LRRC28: variants seen among roughly 807,000 people sequenced by gnomAD.
The protein encoded by LRRC28 is leucine-rich repeat-containing protein 28.
LRRC28 carries 39 observed loss-of-function variants against 45.7 expected under a neutral mutation model. That is an observed-to-expected ratio of 0.85 (90% confidence interval 0.66 to 1.12). The LOEUF (loss-of-function observed/expected upper bound fraction) is 1.12. LRRC28 is among the 50% of genes most tolerant of loss of function. LRRC28 has a pLI of 0.00. For missense variants in LRRC28, 435 were observed against 438.5 expected, an observed-to-expected ratio of 0.99 and a Z score of 0.07; for synonymous variants, 206 against 178.8, an observed-to-expected ratio of 1.15 and a Z score of -1.22.
At chr15:99,352,230 T>TA (rs1956903698) in intron 6 of LRRC28, 139 bp from the exon 7 acceptor site, 1 of 634,950 alleles carries the variant, frequency 1.6e-6, no homozygotes, top group South Asian at 2.3e-5. Flanking sequence ...ACCCATAACT[T>TA]ACTTTATATA....
chr15:99,294,081 C>G (rs1487820857), intron 5 of LRRC28, among the ~76,000 whole-genome samples: 1 of 152,146 alleles, frequency 6.6e-6, no homozygotes, highest in South Asian at 2.1e-4. Context: ...GTATCCTTTT[C>G]TATGACTGCA....
At chr15:99,384,721 A>T (rs1957930781) in intron 9 of LRRC28, 1 of 152,142 alleles carries the variant, frequency 6.6e-6, no homozygotes. Context: ...TGTTCCAGTG[A>T]TATTTGAGTA....
chr15:99,286,427 G>A (rs1567626643), intron 3 of LRRC28, among the ~76,000 whole-genome samples: 3 of 152,224 alleles, frequency 2.0e-5, no homozygotes, highest in East Asian at 3.9e-4. Flanking sequence ...CACCGCGCCC[G>A]GCCATAAAGA....
intron 5 of LRRC28, among the ~76,000 whole-genome samples, chr15:99,288,624 C>G (rs1376971812): frequency 1.3e-5 from 2 of 152,104 alleles, no homozygotes; most frequent in Non-Finnish European, 2.9e-5. Context: ...TTGTGATCCA[C>G]CTGCCTTGGC....
At chr15:99,339,162 C>A (rs994012417) in intron 6 of LRRC28, among the ~76,000 whole-genome samples, 18 of 152,022 alleles carry the variant, frequency 1.2e-4, no homozygotes, top group Non-Finnish European at 1.5e-5. Flanking sequence ...TGATTTTTTT[C>A]TCTAAGGCTT....
At chr15:99,384,529 T>A (rs925659051) in intron 9 of LRRC28, 2 of 152,224 alleles carry the variant, frequency 1.3e-5, no homozygotes, top group African/African-American at 4.8e-5. Flanking sequence ...AACTTTCTGA[T>A]TCTCTGTCCA....
intron 7 of LRRC28, among the ~76,000 whole-genome samples, chr15:99,358,358 C>T (rs1957104314): frequency 6.6e-6 from 1 of 152,112 alleles, no homozygotes; most frequent in Non-Finnish European, 1.5e-5. Flanking sequence ...AATTTATGAT[C>T]AAATTACCTG....
chr15:99,319,891 C>A (rs910586767), intron 5 of LRRC28, among the ~76,000 whole-genome samples: 1 of 151,950 alleles, frequency 6.6e-6, no homozygotes, highest in African/African-American at 2.4e-5. Flanking sequence ...GCAACCTCTG[C>A]CTCCTGGGTT....
intron 5 of LRRC28, among the ~76,000 whole-genome samples, chr15:99,296,460 G>C (rs530809013): frequency 1.3e-5 from 2 of 152,146 alleles, no homozygotes; most frequent in Non-Finnish European, 2.9e-5. Flanking sequence ...GTAATTTTGG[G>C]TGATTTACTC....
Position 99,285,413 on chromosome 15 carries a change from C to T in LRRC28, c.210-1844C>T, listed in dbSNP as rs1002479685. ...AGTGGTATAGTGACAAACCCAAAGC[C>T]CCTGGCGTGCTTGGTGTTGGGATCT... On this transcript the variant is annotated intron_variant, in intron 3 of 9. Transcript: ENST00000301981. 16 of 754,656 alleles carry T rather than the reference C, an allele frequency of 2.1e-5. No individual in the cohort carries two copies. The African/African-American group carries it at 2.7e-4, about 13-fold the overall frequency. 46.7% of individuals were successfully genotyped at this position (754,656 alleles called of 1,614,324 possible). A position where few individuals can be genotyped will look rare whatever the true frequency, so the allele number is the denominator to read the frequency against.
rs747613812 is a variant in LRRC28 at position 99,365,265 on chromosome 15, A to T, written c.1031+2000A>T. On this transcript the variant is annotated intron_variant, in intron 9 of 9. Transcript: ENST00000301981. ...AGTGTGACTAATCTATTGTTTCAGA[A>T]CATAAATATTATTAATTTCATAAAA... 1.1e-4 allele frequency among the ~76,000 whole-genome samples: 17 copies of T among 152,270 alleles called. 1 individual carries two copies. Among genetic ancestry groups the T allele is most frequent in the Admixed American group, 3.3e-4 (5 of 15,286 alleles).
chr15:99,308,116 TAG>T (rs952693115), intron 5 of LRRC28, among the ~76,000 whole-genome samples: 15 of 152,198 alleles, frequency 9.9e-5, no homozygotes, highest in Admixed American at 6.5e-5. Context: ...TTAGTTTATT[TAG>T]TGCTTTATAA....
chr15:99,317,878 T>G, intron 5 of LRRC28, among the ~76,000 whole-genome samples: 1 of 152,198 alleles, frequency 6.6e-6, no homozygotes, highest in South Asian at 2.1e-4. Flanking sequence ...ACTGTTTTGT[T>G]ACTTCCTTCC....
intron 2 of LRRC28, among the ~76,000 whole-genome samples, chr15:99,256,855 G>T (rs1240620750): frequency 6.6e-6 from 1 of 152,078 alleles, no homozygotes; most frequent in Non-Finnish European, 1.5e-5. Context: ...GTAAAATTTG[G>T]TCTCTGTATT....
intron 5 of LRRC28, among the ~76,000 whole-genome samples, chr15:99,295,729 G>A (rs553574236): frequency 5.3e-5 from 8 of 152,186 alleles, no homozygotes; most frequent in Non-Finnish European, 1.2e-4. Context: ...TACCAAAAAA[G>A]GAAGGATTTT....
chr15:99,366,294 ATT>A (rs1346059618), intron 9 of LRRC28, among the ~76,000 whole-genome samples: 3 of 151,622 alleles, frequency 2.0e-5, no homozygotes, highest in Non-Finnish European at 4.4e-5. Flanking sequence ...TCTTCACATC[ATT>A]TTCTCTTTAT....
chr15:99,260,227 A>G (rs185116375), intron 2 of LRRC28, among the ~76,000 whole-genome samples: 27 of 152,308 alleles, frequency 1.8e-4, no homozygotes, highest in Admixed American at 1.6e-3. Context: ...GTACTATTTA[A>G]CTGACTATTC....
intron 5 of LRRC28, among the ~76,000 whole-genome samples, chr15:99,322,815 C>T (rs908596990): frequency 2.0e-5 from 3 of 152,170 alleles, no homozygotes; most frequent in East Asian, 1.9e-4. Flanking sequence ...CAATCCCTGC[C>T]CTTTAAAAGG....
intron 6 of LRRC28, among the ~76,000 whole-genome samples, chr15:99,342,554 A>G (rs1256132369): frequency 2.0e-5 from 3 of 152,238 alleles, no homozygotes; most frequent in Non-Finnish European, 2.9e-5. Flanking sequence ...CCACATAAGT[A>G]TACAGTCAAT....
Sources: allele counts gnomAD v4.1 joint callset (sites outside exome capture counted in the v4.1 genomes callset), GRCh38; gene constraint gnomAD v4.1.1; transcripts MANE v1.5; gene names NCBI Gene and HGNC (gene_info 2026-07-23, HGNC 2026-07-21).